TIAM1: variants seen among roughly 807,000 people sequenced by gnomAD.
The protein encoded by TIAM1 is rho guanine nucleotide exchange factor TIAM1.
TIAM1 carries 65 observed loss-of-function variants against 163.5 expected under a neutral mutation model. That is an observed-to-expected ratio of 0.40 (90% confidence interval 0.33 to 0.49). The LOEUF (loss-of-function observed/expected upper bound fraction) is 0.49, where lower values mean the gene tolerates loss of function less well. Ranked by LOEUF, TIAM1 falls within the 20% of genes least tolerant of loss-of-function variation. The pLI is 0.77. For missense variants in TIAM1, 1,789 were observed against 2,044.7 expected, an observed-to-expected ratio of 0.87 and a Z score of 2.41; for synonymous variants, 833 against 810.1, an observed-to-expected ratio of 1.03 and a Z score of -0.48.
chr21:31,209,015 CT>C (rs1483872894), intron 11 of TIAM1, among the ~76,000 whole-genome samples: 1 of 151,998 alleles, frequency 6.6e-6, no homozygotes, highest in Non-Finnish European at 1.5e-5. Context: ...ATTCTAGATT[CT>C]TCTGAGCCTT....
intron 6 of TIAM1, among the ~76,000 whole-genome samples, chr21:31,234,755 C>G (rs1184790399): frequency 6.9e-6 from 1 of 145,790 alleles, no homozygotes; most frequent in Non-Finnish European, 1.5e-5. Flanking sequence ...GCACTCCAGC[C>G]TGGGCGACAG....
chr21:31,489,841 T>C (rs1299500477), intron 1 of TIAM1, among the ~76,000 whole-genome samples: 4 of 152,190 alleles, frequency 2.6e-5, no homozygotes, highest in Non-Finnish European at 5.9e-5. Context: ...TGGCTGTTCA[T>C]GCCCATGCTC....
At chr21:31,156,866 A>T (rs939368140) in intron 16 of TIAM1, among the ~76,000 whole-genome samples, 1 of 152,206 alleles carries the variant, frequency 6.6e-6, no homozygotes, top group Admixed American at 6.5e-5. Flanking sequence ...TAACACAACA[A>T]ATGTATAATT....
At chr21:31,482,683 C>T (rs945519634) in intron 1 of TIAM1, among the ~76,000 whole-genome samples, 4 of 152,274 alleles carry the variant, frequency 2.6e-5, no homozygotes, top group African/African-American at 9.6e-5. Context: ...AATATGCAAG[C>T]TGACGCTCAG....
chr21:31,288,573 C>T (rs2073901671), intron 2 of TIAM1, among the ~76,000 whole-genome samples: 1 of 152,158 alleles, frequency 6.6e-6, no homozygotes, highest in African/African-American at 2.4e-5. Flanking sequence ...ATGATACTAT[C>T]ACATTCAGGT....
At position 31,448,056 on chromosome 21, in the gene TIAM1, AG is replaced by A. The variant is rs575450396; in HGVS notation, c.-369+15926del. On this transcript the variant is annotated intron_variant, in intron 2 of 28. Coordinates refer to the TIAM1 transcript ENST00000286827. ...TCAGGCCTTCAACTGAAAGGAGAGG[AG>A]GAGAGACGAGGCCAATATCTTTCAC... 5.3e-5 allele frequency among the ~76,000 whole-genome samples: 8 copies of A among 152,268 alleles called. No homozygotes were observed. In the South Asian group the frequency reaches 1.5e-3, roughly 28 times the overall value.
At chr21:31,457,155 C>T (rs979652217) in intron 2 of TIAM1, among the ~76,000 whole-genome samples, 5 of 152,074 alleles carry the variant, frequency 3.3e-5, no homozygotes, top group Non-Finnish European at 5.9e-5. Flanking sequence ...GCCCAGAATA[C>T]GGGCACTTTA....
intron 24 of TIAM1, 60 bp downstream of exon 24, chr21:31,130,830 A>G (rs945795788): frequency 1.3e-6 from 2 of 1,505,222 alleles, no homozygotes; most frequent in South Asian, 1.1e-5. Flanking sequence ...TTATGCAGGC[A>G]TAACTGATAA....
At chr21:31,439,944 T>G (rs943300838) in intron 2 of TIAM1, among the ~76,000 whole-genome samples, 5 of 152,160 alleles carry the variant, frequency 3.3e-5, no homozygotes, top group Non-Finnish European at 4.4e-5. Flanking sequence ...AACAAAACCA[T>G]GGATGGCTGA....
At chr21:31,351,164 CAT>C (rs1232348106) in intron 2 of TIAM1, among the ~76,000 whole-genome samples, 2 of 152,090 alleles carry the variant, frequency 1.3e-5, no homozygotes, top group African/African-American at 4.8e-5. Context: ...AAGGGTCTAA[CAT>C]AGGGGTGACA....
chr21:31,157,424 T>G (rs993752024), intron 16 of TIAM1, among the ~76,000 whole-genome samples: 1 of 152,234 alleles, frequency 6.6e-6, no homozygotes, highest in Non-Finnish European at 1.5e-5. Flanking sequence ...TTGTACTGCA[T>G]AGTTTCCTGC....
chr21:31,325,803 G>C (rs2075468214), intron 2 of TIAM1, among the ~76,000 whole-genome samples: 1 of 152,138 alleles, frequency 6.6e-6, no homozygotes, highest in Non-Finnish European at 1.5e-5. Flanking sequence ...CCATCAGTGA[G>C]TTAAGAGGTG....
chr21:31,393,532 T>C (rs2077002681), intron 2 of TIAM1, among the ~76,000 whole-genome samples: 1 of 152,208 alleles, frequency 6.6e-6, no homozygotes, highest in Non-Finnish European at 1.5e-5. Flanking sequence ...TTATAAAACC[T>C]GTGTGTGTCC....
At chr21:31,147,084 A>C (rs1485004406) in intron 19 of TIAM1, 81 bp from the exon 20 acceptor site, 4 of 1,185,756 alleles carry the variant, frequency 3.4e-6, no homozygotes, top group Non-Finnish European at 5.0e-6. Flanking sequence ...GGGAGCTCAC[A>C]TCTGCCTGGC....
intron 8 of TIAM1, among the ~76,000 whole-genome samples, 199 bp downstream of exon 8, chr21:31,223,207 C>T (rs946276768): frequency 1.4e-5 from 2 of 144,754 alleles, no homozygotes; most frequent in Non-Finnish European, 1.5e-5. Context: ...CTTAGGCCCC[C>T]CCATCAAGAG....
intron 1 of TIAM1, among the ~76,000 whole-genome samples, chr21:31,470,251 C>T (rs1049868610): frequency 1.1e-4 from 17 of 152,048 alleles, no homozygotes; most frequent in African/African-American, 4.1e-4. Flanking sequence ...GCGATCTGCC[C>T]ACCTCAGCCT....
At position 31,342,750 on chromosome 21, in the gene TIAM1, C is replaced by A. The variant is rs568813525; in HGVS notation, c.-369+1388G>T. Among the ~76,000 whole-genome samples the A allele has an allele frequency of 2.6e-5, 4 of 152,302 alleles. No homozygotes were observed. The South Asian group carries it at 8.3e-4, about 32-fold the overall frequency. ...CTTGAGCTCAAAATGAGCTAGAACT[C>A]AGGGCTCTAGCCCTGGATCATGCAA... is the stretch of plus-strand genomic sequence containing the variant. On this transcript the variant is annotated intron_variant, in intron 1 of 27. Transcript: ENST00000541036.
intron 6 of TIAM1, among the ~76,000 whole-genome samples, chr21:31,232,227 G>A (rs1234433185): frequency 6.6e-6 from 1 of 152,148 alleles, no homozygotes; most frequent in African/African-American, 2.4e-5. Flanking sequence ...GATGACAGCT[G>A]CATGAAACAT....
At chr21:31,517,062 AAAAAGAAAAG>A (rs201124526) in intron 1 of TIAM1, among the ~76,000 whole-genome samples, 26 of 151,362 alleles carry the variant, frequency 1.7e-4, no homozygotes, top group Non-Finnish European at 2.1e-4. Flanking sequence ...AAAAAAAAAA[AAAAAGAAAAG>A]AAAAGAAAAG....
Sources: gnomAD v4.1 joint callset for allele counts (sites outside exome capture counted in the v4.1 genomes callset) on GRCh38, gnomAD v4.1.1 for gene constraint, MANE v1.5 for transcripts, NCBI Gene and HGNC (gene_info 2026-07-23, HGNC 2026-07-21) for gene names.